Variants in TIMM23B observed in about 807,000 individuals in gnomAD.
The protein encoded by TIMM23B is mitochondrial import inner membrane translocase subunit Tim23B.
In TIMM23B, 27 loss-of-function variants were observed where a neutral mutation model predicts 27.3. The ratio of observed to expected loss-of-function variants is 0.99; its 90% CI spans 0.73 to 1.36. The LOEUF is 1.36. Ranked by LOEUF, TIMM23B falls within the 40% of genes most tolerant of loss-of-function variation. TIMM23B has a pLI of 0.00. For missense variants in TIMM23B, 205 were observed against 244.2 expected, an observed-to-expected ratio of 0.84 and a Z score of 1.07; for synonymous variants, 73 against 92.4, an observed-to-expected ratio of 0.79 and a Z score of 1.21.
rs1839138518 is a variant in TIMM23B, at chr10:49,942,276, C to T, written c.82C>T (p.His28Tyr). 8.1e-6 allele frequency: 13 copies of T among 1,612,494 alleles called. No individual in the cohort carries two copies. Among genetic ancestry groups the T allele is most frequent in the Admixed American group, 1.7e-5 (1 of 59,876 alleles). The part of the protein sequence containing the change: ...FFGAGEAGYS[H>Y]ADLAGVPLTG... ...CGGAGCCGGCGAAGCAGGTTACTCG[C>T]ACGCGGATTTGGCTGGCGTCCCGCG... Residue 28 changes from histidine to tyrosine, a missense_variant, in exon 1 of 7, where the codon CAC becomes TAC. Physicochemically the swap from His to Tyr is moderately conservative, Grantham distance 83. Transcript: ENST00000651259.
intron 6 of TIMM23B, among the ~76,000 whole-genome samples, chr10:49,967,460 C>A (rs1554855611): frequency 6.6e-6 from 1 of 151,668 alleles, no homozygotes; most frequent in African/African-American, 2.4e-5. Context: ...ATTAATAAGA[C>A]ATTGATTTGC....
chr10:49,964,076 A>G (rs1229736074), intron 6 of TIMM23B, among the ~76,000 whole-genome samples: 2 of 151,938 alleles, frequency 1.3e-5, no homozygotes, highest in African/African-American at 4.8e-5. Context: ...AATGGATTGA[A>G]ATTGAATGGG....
At chr10:49,951,966 G>A (rs1220351765) in intron 2 of TIMM23B, among the ~76,000 whole-genome samples, 160 bp from the exon 3 acceptor site, 12 of 152,158 alleles carry the variant, frequency 7.9e-5, no homozygotes, top group Admixed American at 3.9e-4. Flanking sequence ...TTTGATTTAG[G>A]TGTTACTGCT....
rs1222477141 is a variant in TIMM23B at position 49,958,755 on chromosome 10, A to G, written c.514+275A>G. Reference sequence around the variant, plus strand: ...CTTGCAAAACTGATACTCTGTACCTATTAAGCCTCCAATTTACCACTTCCT... The same window carrying G: ...CTTGCAAAACTGATACTCTGTACCTGTTAAGCCTCCAATTTACCACTTCCT... On this transcript the variant is annotated intron_variant, in intron 6 of 6. Transcript: ENST00000651259. Among the ~76,000 whole-genome samples the G allele has an allele frequency of 8.5e-5, 13 of 152,334 alleles. No individual in the cohort carries two copies. In the South Asian group the frequency reaches 2.7e-3, roughly 32 times the overall value.
chr10:49,957,739 T>C (rs1404128471), intron 5 of TIMM23B, among the ~76,000 whole-genome samples: 4 of 152,202 alleles, frequency 2.6e-5, no homozygotes, highest in African/African-American at 9.7e-5. Flanking sequence ...CCAGAAAGTC[T>C]TCCGACCCCA....
intron 5 of TIMM23B, among the ~76,000 whole-genome samples, chr10:49,957,591 T>G (rs1358909854): frequency 6.6e-6 from 1 of 152,036 alleles, no homozygotes; most frequent in Non-Finnish European, 1.5e-5. Flanking sequence ...AATAGCCCAG[T>G]CAAGGAATAC....
At chr10:49,971,139 T>C (rs1188777352) in intron 6 of TIMM23B, among the ~76,000 whole-genome samples, 1 of 152,056 alleles carries the variant, frequency 6.6e-6, no homozygotes, top group Non-Finnish European at 1.5e-5. Context: ...GCATGCTCCT[T>C]GAGAGTCATC....
At chr10:49,958,850 A>G (rs1479773400) in intron 6 of TIMM23B, among the ~76,000 whole-genome samples, 2,814 of 152,340 alleles carry the variant, frequency 0.018, 99 homozygotes, top group African/African-American at 0.064. Flanking sequence ...AAGTAGAATC[A>G]TACAATATTT....
chr10:49,951,473 C>G (rs1289776643), intron 2 of TIMM23B, among the ~76,000 whole-genome samples: 1 of 151,620 alleles, frequency 6.6e-6, no homozygotes, highest in Non-Finnish European at 1.5e-5. Context: ...TGCATTGACT[C>G]TTCAAAATTG....
chr10:49,949,196 C>CTT (rs1564679513), intron 2 of TIMM23B, among the ~76,000 whole-genome samples: 2,166 of 93,920 alleles, frequency 0.023, 49 homozygotes, highest in African/African-American at 0.057. Flanking sequence ...CCATGCCTGG[C>CTT]CTTTTTTTTT....
intron 2 of TIMM23B, among the ~76,000 whole-genome samples, 191 bp from the exon 3 acceptor site, chr10:49,951,933 CTG>C (rs1475387820): frequency 1.3e-3 from 196 of 152,318 alleles, no homozygotes; most frequent in African/African-American, 2.7e-3. Context: ...CTTCTAAGAA[CTG>C]TGTTTCGTAT....
At chr10:49,947,038 CAG>C (rs1392305872) in intron 2 of TIMM23B, among the ~76,000 whole-genome samples, 3 of 152,180 alleles carry the variant, frequency 2.0e-5, no homozygotes, top group Middle Eastern at 3.2e-3. Context: ...ATAGTTAAGT[CAG>C]GGGAGACGTT....
chr10:49,961,866 G>T (rs1274275500), intron 6 of TIMM23B, among the ~76,000 whole-genome samples: 3 of 149,848 alleles, frequency 2.0e-5, no homozygotes, highest in Non-Finnish European at 3.0e-5. Flanking sequence ...TGAGTTACTG[G>T]ATTACAGGCA....
chr10:49,952,204 G>C lies in TIMM23B; in HGVS notation c.244G>C (p.Gly82Arg). Residue 82 changes from glycine to arginine, a missense_variant, in exon 3 of 7, where the codon GGG (glycine) becomes CGG (arginine). Physicochemically the swap from Gly to Arg is moderately radical, Grantham distance 125 (BLOSUM62 -2). Transcript: ENST00000651259. Reference protein sequence around the residue: ...RFELAFFTIGGCCMTGAAFGA... With the variant: ...RFELAFFTIGRCCMTGAAFGA... The stretch of plus-strand genomic sequence containing the variant: ...TGAGCTGGCCTTCTTTACGATTGGA[G>C]GGTGTTGCATGACAGGTGAGTGTTA... 1 of 1,606,188 alleles carries C rather than the reference G, an allele frequency of 6.2e-7. No individual in the cohort carries two copies. The highest frequency in any genetic ancestry group is 1.3e-5 in the African/African-American group (1 of 74,864).
In TIMM23B at chr10:49,958,326, C is replaced by T. The variant is rs1839790441; in HGVS notation, c.404-44C>T. 214 of 1,525,760 alleles carry T rather than the reference C, an allele frequency of 1.4e-4. 3 individuals are homozygous for T. The South Asian group carries it at 2.3e-3, about 16-fold the overall frequency. 94.5% of individuals were successfully genotyped at this position (1,525,760 alleles called of 1,614,324 possible). The stretch of plus-strand genomic sequence containing the variant: ...AATATATGTATATCATAATATCACA[C>T]TTTATCACTGTTTTGTCACTGAGCA... On this transcript the variant is annotated intron_variant, in intron 5 of 6. Transcript: ENST00000651259.
intron 4 of TIMM23B, among the ~76,000 whole-genome samples, chr10:49,952,859 G>GT (rs1839583819): frequency 6.6e-6 from 1 of 151,256 alleles, no homozygotes; most frequent in Non-Finnish European, 1.5e-5. Context: ...ATTTTGGATT[G>GT]TTTGGGGGCA....
At chr10:49,962,352 G>A (rs1392471378) in intron 6 of TIMM23B, among the ~76,000 whole-genome samples, 6 of 151,756 alleles carry the variant, frequency 4.0e-5, no homozygotes, top group African/African-American at 1.2e-4. Flanking sequence ...ACAGATGCCC[G>A]CCACCACGCC....
intron 4 of TIMM23B, among the ~76,000 whole-genome samples, chr10:49,954,624 G>A (rs1839653686): frequency 1.3e-5 from 2 of 151,580 alleles, no homozygotes; most frequent in African/African-American, 2.4e-5. Flanking sequence ...TTTTTTACAT[G>A]GATTAGTTTC....
At chr10:49,943,549 T>C (rs1416172937) in intron 1 of TIMM23B, among the ~76,000 whole-genome samples, 1 of 151,966 alleles carries the variant, frequency 6.6e-6, no homozygotes, top group Non-Finnish European at 1.5e-5. Flanking sequence ...CAGTTTCATA[T>C]TAATCTTAGT....
Sources: allele counts gnomAD v4.1 joint callset (sites outside exome capture counted in the v4.1 genomes callset), GRCh38; gene constraint gnomAD v4.1.1; transcripts MANE v1.5; gene names NCBI Gene and HGNC (gene_info 2026-07-23, HGNC 2026-07-21).